CD84: variants seen among roughly 807,000 people sequenced by gnomAD.
CD84 encodes SLAM family member 5.
A neutral mutation model predicts 33.8 loss-of-function variants in CD84; 22 were observed. The observed-to-expected ratio is 0.65, with a 90% CI of 0.46 to 0.93. The LOEUF is 0.93. Ranked by LOEUF, CD84 falls within the 40% of genes least tolerant of loss-of-function variation. The probability of loss-of-function intolerance (pLI) is 0.00; values close to 1 mark genes in which losing one functional copy is unlikely to be tolerated. For synonymous variants in CD84, 154 were observed against 145.2 expected, an observed-to-expected ratio of 1.06 and a Z score of -0.44; for missense variants, 400 against 397.6, an observed-to-expected ratio of 1.01 and a Z score of -0.05.
At chr1:160,554,930 T>TATATTTATTA (rs1192031739) in intron 2 of CD84, among the ~76,000 whole-genome samples, 1 of 142,780 alleles carries the variant, frequency 7.0e-6, no homozygotes, top group Non-Finnish European at 1.5e-5. Context: ...AAGACTATTA[T>TATATTTATTA]ATATTTATTA....
chr1:160,567,847 C>A (rs943687409), intron 1 of CD84, among the ~76,000 whole-genome samples: 5 of 152,026 alleles, frequency 3.3e-5, no homozygotes, highest in Admixed American at 1.3e-4. Context: ...AGTGTCCCAG[C>A]GTGAATCCCT....
intron 3 of CD84, 124 bp from the exon 4 acceptor site, chr1:160,553,621 T>G: frequency 8.4e-7 from 1 of 1,187,714 alleles, no homozygotes; most frequent in Non-Finnish European, 1.2e-6. Context: ...CCAAAGCTCC[T>G]AGGGAAACTA....
intron 1 of CD84, among the ~76,000 whole-genome samples, chr1:160,577,093 G>T (rs1289721702): frequency 1.3e-5 from 2 of 152,296 alleles, no homozygotes; most frequent in South Asian, 4.1e-4. Flanking sequence ...TGATCAGAAA[G>T]TTGGCATCAG....
At chr1:160,564,933 T>C (rs992273874) in intron 2 of CD84, among the ~76,000 whole-genome samples, 1 of 152,224 alleles carries the variant, frequency 6.6e-6, no homozygotes, top group African/African-American at 2.4e-5. Flanking sequence ...ATAAGCTCTA[T>C]AGATTGTGCT....
At position 160,547,983 on chromosome 1, in the gene CD84, G is replaced by A. The variant is rs1655932433; in HGVS notation, c.*273C>T. 2 of 467,610 alleles carry A rather than the reference G, an allele frequency of 4.3e-6. No homozygotes were observed. The highest frequency in any genetic ancestry group is 3.9e-6 in the Non-Finnish European group (1 of 255,882). 29.0% of individuals were successfully genotyped at this position (467,610 alleles called of 1,614,324 possible). A position where few individuals can be genotyped will look rare whatever the true frequency, so the allele number is the denominator to read the frequency against. ...GCCATAAAAATATTATTTTCTACAT[G>A]TGCTATGATGGGAAGAAGTTTGGGA... On this transcript the variant is annotated 3_prime_UTR_variant, in exon 7 of 7. Transcript: ENST00000368054.
intron 6 of CD84, among the ~76,000 whole-genome samples, chr1:160,549,559 G>A (rs891213813): frequency 1.3e-5 from 2 of 152,210 alleles, no homozygotes; most frequent in Admixed American, 6.5e-5. Flanking sequence ...TCTGGCATGG[G>A]CCTGTGTTTG....
chr1:160,568,687 C>T (rs964261781), intron 1 of CD84, among the ~76,000 whole-genome samples: 3 of 152,190 alleles, frequency 2.0e-5, no homozygotes, highest in African/African-American at 7.2e-5. Context: ...GTGGAGTGAT[C>T]TTGGCTCACT....
chr1:160,553,383 C>G lies in CD84; in HGVS notation c.755G>C (p.Arg252Thr), dbSNP rs763927197. 1 of 1,614,110 alleles carries G rather than the reference C, an allele frequency of 6.2e-7. No individual in the cohort carries two copies. The highest frequency in any genetic ancestry group is 8.5e-7 in the Non-Finnish European group (1 of 1,180,030). ...ACCTTCTGGGAAAATCCTACCTTGT[C>G]TTCTCTTGAACAAACGGAACAAAAA... ...SVFLFRLFKR[R>T]QDAASKKTIY... The change falls in exon 4 of 7, where the codon AGA becomes ACA. Residue 252 changes from arginine to threonine, a missense_variant. Physicochemically the swap from Arg to Thr is moderately conservative, Grantham distance 71. Transcript: ENST00000368054.
intron 1 of CD84, chr1:160,571,271 C>A (rs760307790): frequency 6.6e-6 from 1 of 151,772 alleles, no homozygotes; most frequent in Non-Finnish European, 1.5e-5. Flanking sequence ...CTGAGCCCTG[C>A]GAGAGTGCTC....
chr1:160,549,990 C>T lies in CD84; in HGVS notation c.859-11G>A, dbSNP rs746786426. 5.6e-6 allele frequency: 9 copies of T among 1,594,532 alleles called. No homozygotes were observed. In the East Asian group the frequency reaches 6.7e-5, roughly 12 times the overall value. ...CTTGGAGGGAAGCACCTGTAAAACA[C>T]ACATCTTCCCCTCAGTGAGGGAGCC... On this transcript the variant is annotated splice_polypyrimidine_tract_variant and intron_variant, in intron 5 of 6. Transcript: ENST00000368054.
chr1:160,565,548 A>C lies in CD84; in HGVS notation c.244T>G (p.Tyr82Asp), dbSNP rs763919463. The change falls in exon 2 of 7, where the codon TAT becomes GAT. Residue 82 changes from tyrosine to aspartate, a missense_variant. Coordinates refer to ENST00000368054, the MANE Select transcript of CD84 (RefSeq NM_003874.4). Reference protein sequence around the residue: ...PVVTVTHRNYYERIHALGPNY... With the variant: ...PVVTVTHRNYDERIHALGPNY... ...GGACCTAAGGCATGTATCCGTTCATAATAATTTCTGTGGGTCACAGTAACT... is the reference window on the plus strand; with the variant it reads ...GGACCTAAGGCATGTATCCGTTCATCATAATTTCTGTGGGTCACAGTAACT... 45 of 1,613,918 alleles carry C rather than the reference A, an allele frequency of 2.8e-5. No individual in the cohort carries two copies. Among genetic ancestry groups the C allele is most frequent in the Middle Eastern group, 3.3e-4 (2 of 6,078 alleles).
Position 160,554,791 on chromosome 1 carries a change from A to G in CD84, c.389-645T>C, listed in dbSNP as rs141157702. On this transcript the variant is annotated intron_variant, in intron 2 of 6. Coordinates refer to ENST00000368054, the MANE Select transcript of CD84 (RefSeq NM_003874.4). ...GTGTTGGAACTATACTCATACATCAATTACAACTATAAGCTGATTAGGGAT... is the reference window on the plus strand; with the variant it reads ...GTGTTGGAACTATACTCATACATCAGTTACAACTATAAGCTGATTAGGGAT... Among the ~76,000 whole-genome samples the G allele has an allele frequency of 2.5e-4, 38 of 151,988 alleles. No individual in the cohort carries two copies. In the East Asian group the frequency reaches 4.8e-3, roughly 19 times the overall value.
intron 5 of CD84, 138 bp downstream of exon 5, chr1:160,550,800 T>C: frequency 1.3e-6 from 2 of 1,519,370 alleles, no homozygotes; most frequent in South Asian, 1.3e-5. Context: ...TTCCCTGACA[T>C]GGTATTTCCT....
At chr1:160,571,930 A>T (rs1657719476) in intron 1 of CD84, among the ~76,000 whole-genome samples, 1 of 152,202 alleles carries the variant, frequency 6.6e-6, no homozygotes, top group African/African-American at 2.4e-5. Context: ...GGAACAAAAG[A>T]TGGAAAGGAA....
intron 2 of CD84, among the ~76,000 whole-genome samples, chr1:160,558,287 G>T (rs2102156428): frequency 6.6e-6 from 1 of 152,274 alleles, no homozygotes; most frequent in East Asian, 1.9e-4. Flanking sequence ...GGAGCAGGCT[G>T]CCATCTTTGC....
chr1:160,548,085 A>G lies in CD84; in HGVS notation c.*171T>C. 1 of 658,652 alleles carries G rather than the reference A, an allele frequency of 1.5e-6. No individual in the cohort carries two copies. The highest frequency in any genetic ancestry group is 2.7e-6 in the Non-Finnish European group (1 of 374,016). The allele number at this position is 658,652 out of a possible 1,614,324, so 40.8% of individuals were successfully genotyped here. On this transcript the variant is annotated 3_prime_UTR_variant, in exon 7 of 7. Transcript: ENST00000368054. ...AGGAAGGGTATGCATCCATTTGTCC[A>G]TTTAGGCACAAGCTATGCCCAGCAG...
At chr1:160,565,894 A>G in intron 1 of CD84, 149 bp from the exon 2 acceptor site, 1 of 603,622 alleles carries the variant, frequency 1.7e-6, no homozygotes, top group South Asian at 2.4e-5. Context: ...TTGGCATTCT[A>G]CTCTAGGTGT....
At chr1:160,552,738 C>T in intron 4 of CD84, 1 of 1,547,026 alleles carries the variant, frequency 6.5e-7, no homozygotes, top group Non-Finnish European at 8.7e-7. Context: ...AAGCAGGAAC[C>T]TGAGGAATCA....
At chr1:160,579,336 CA>C (rs1658156616) in intron 1 of CD84, 55 bp downstream of exon 1, 1 of 1,611,560 alleles carries the variant, frequency 6.2e-7, no homozygotes, top group African/African-American at 1.3e-5. Context: ...TCCTTAAGGG[CA>C]ATTTTTAAAA....
Sources: gnomAD v4.1 joint callset for allele counts (sites outside exome capture counted in the v4.1 genomes callset) on GRCh38, gnomAD v4.1.1 for gene constraint, MANE v1.5 for transcripts, NCBI Gene and HGNC (gene_info 2026-07-23, HGNC 2026-07-21) for gene names.